The following ZNF354A variants were observed in gnomAD, a reference collection of about 807,000 sequenced individuals.
ZNF354A encodes the protein epididymis luminal protein 104.
A neutral mutation model predicts 53.3 loss-of-function variants in ZNF354A; 25 were observed. The ratio of observed to expected loss-of-function variants is 0.47; its 90% CI spans 0.34 to 0.66. The LOEUF (loss-of-function observed/expected upper bound fraction) is 0.66. Ranked by LOEUF, ZNF354A falls within the 30% of genes least tolerant of loss-of-function variation. The pLI, the probability that ZNF354A is intolerant of heterozygous loss-of-function variation, is 0.01. For synonymous variants in ZNF354A, 228 were observed against 249.0 expected (o/e 0.92, Z 0.79); for missense variants, 586 against 716.8 (o/e 0.82, Z 2.08).
At chr5:178,722,374 A>G (rs1765827457) in intron 4 of ZNF354A, among the ~76,000 whole-genome samples, 1 of 152,202 alleles carries the variant, frequency 6.6e-6, no homozygotes, top group South Asian at 2.1e-4. Flanking sequence ...AAAACAGCTC[A>G]ATTAATCTAA....
chr5:178,726,016 G>GT (rs1765898968), intron 3 of ZNF354A: 2 of 336,028 alleles, frequency 6.0e-6, no homozygotes, highest in Non-Finnish European at 1.2e-5. Flanking sequence ...CCTAAGTTTT[G>GT]TATTTTCAGT....
chr5:178,730,326 C>G (rs1259727462), intron 1 of ZNF354A, among the ~76,000 whole-genome samples: 1 of 152,014 alleles, frequency 6.6e-6, no homozygotes, highest in Admixed American at 6.5e-5. Flanking sequence ...AGGACGGGCC[C>G]GGGAGGAAAC....
Position 178,713,648 on chromosome 5 carries a change from G to A in ZNF354A, c.257-27C>T, listed in dbSNP as rs189156812. On this transcript the variant is annotated intron_variant, in intron 4 of 4. Transcript: ENST00000335815. ...TGGAGGGAAAAAAAAAATCAAAAAT[G>A]TTTCATGTGATATCATAGCATCTGA... The A allele has an allele frequency of 2.0e-5, 30 of 1,518,494 alleles. No individual in the cohort carries two copies. The East Asian group carries it at 6.6e-4, about 33-fold the overall frequency. 94.1% of individuals were successfully genotyped at this position (1,518,494 alleles called of 1,614,324 possible).
At position 178,713,169 on chromosome 5, in the gene ZNF354A, T is replaced by C. The variant is rs562816768; in HGVS notation, c.709A>G (p.Ser237Gly). The C allele has an allele frequency of 6.2e-7, 1 of 1,614,164 alleles. No individual in the cohort carries two copies. Among genetic ancestry groups the C allele is most frequent in the African/African-American group, 1.3e-5 (1 of 75,068 alleles). Residue 237 changes from serine to glycine, a missense_variant, in exon 5 of 5, where the codon AGT becomes GGT. This residue lies in a region of ZNF354A where 573 missense variants were observed against 680.1 expected (regional missense o/e 0.84). Coordinates refer to ENST00000335815, the MANE Select transcript of ZNF354A (RefSeq NM_005649.3). ...SSLRKHEKNH[S>G]GEKLFKCKEC... Reference sequence around the variant, plus strand: ...TTACACTTAAATAGTTTCTCTCCACTATGGTTTTTCTCATGTTTACGAAGG... The same window carrying C: ...TTACACTTAAATAGTTTCTCTCCACCATGGTTTTTCTCATGTTTACGAAGG...
chr5:178,720,828 A>G (rs937136666), intron 4 of ZNF354A, among the ~76,000 whole-genome samples: 2 of 150,954 alleles, frequency 1.3e-5, no homozygotes, highest in Non-Finnish European at 2.9e-5. Flanking sequence ...ATCAAAATTA[A>G]CACCACTGCT....
chr5:178,723,376 G>A (rs1461069518), intron 4 of ZNF354A, among the ~76,000 whole-genome samples: 2 of 152,186 alleles, frequency 1.3e-5, no homozygotes, highest in Admixed American at 1.3e-4. Context: ...GCCTGCCCTG[G>A]GCTACTTACG....
chr5:178,719,925 C>T (rs1055260046), intron 4 of ZNF354A, among the ~76,000 whole-genome samples: 3 of 145,124 alleles, frequency 2.1e-5, no homozygotes, highest in African/African-American at 5.0e-5. Context: ...CCAGCCTGGG[C>T]GACAGAGCGA....
chr5:178,725,063 C>A (rs2113882620), intron 4 of ZNF354A, among the ~76,000 whole-genome samples: 1 of 152,332 alleles, frequency 6.6e-6, no homozygotes, highest in East Asian at 1.9e-4. Context: ...TATTTCCTTC[C>A]TCACCTCCTC....
chr5:178,720,526 C>T (rs947029626), intron 4 of ZNF354A, among the ~76,000 whole-genome samples: 1 of 152,130 alleles, frequency 6.6e-6, no homozygotes, highest in African/African-American at 2.4e-5. Context: ...CAGCTGCAGG[C>T]CACGGAGATC....
intron 2 of ZNF354A, among the ~76,000 whole-genome samples, chr5:178,728,658 G>C (rs932034493): frequency 6.6e-6 from 1 of 151,448 alleles, no homozygotes; most frequent in Non-Finnish European, 1.5e-5. Context: ...TTAGCCGGGC[G>C]TGATGGCGGG....
chr5:178,717,373 C>T lies in ZNF354A; in HGVS notation c.257-3752G>A, dbSNP rs28386999. Among the ~76,000 whole-genome samples the T allele has an allele frequency of 2.0e-3, 310 of 151,906 alleles. 1 individual carries two copies. Among genetic ancestry groups the T allele is most frequent in the African/African-American group, 6.9e-3 (284 of 41,422 alleles). On this transcript the variant is annotated intron_variant, in intron 4 of 4. Transcript: ENST00000335815. ...GGCTGTACAGTGAAGGAAGAGCTAG[C>T]GGGACCAAGAATAACAAGACTCAGG...
At chr5:178,728,167 C>T (rs1331735180) in intron 2 of ZNF354A, among the ~76,000 whole-genome samples, 2 of 152,122 alleles carry the variant, frequency 1.3e-5, no homozygotes, top group East Asian at 3.9e-4. Context: ...TGTATCCTCT[C>T]TGTGACTTTG....
rs533518740 is a variant in ZNF354A, at chr5:178,711,776, C to T, written c.*284G>A. 9 of 283,522 alleles carry T rather than the reference C, an allele frequency of 3.2e-5. No individual in the cohort carries two copies. Among genetic ancestry groups the T allele is most frequent in the East Asian group, 1.4e-4 (2 of 14,606 alleles). The allele number at this position is 283,522 out of a possible 1,614,324, so 17.6% of individuals were successfully genotyped here. A position where few individuals can be genotyped will look rare whatever the true frequency, so the allele number is the denominator to read the frequency against. ...ATGATCACGTGACATCTAGCATATACGTCTGTAGGAAAAGGGAAAAAGCAA... is the reference window on the plus strand; with the variant it reads ...ATGATCACGTGACATCTAGCATATATGTCTGTAGGAAAAGGGAAAAAGCAA... On this transcript the variant is annotated 3_prime_UTR_variant, in exon 5 of 5. Coordinates refer to ENST00000335815, the MANE Select transcript of ZNF354A (RefSeq NM_005649.3).
Position 178,725,483 on chromosome 5 carries a change from C to T in ZNF354A, c.161-12G>A. 1 of 1,610,546 alleles carries T rather than the reference C, an allele frequency of 6.2e-7. No homozygotes were observed. Among genetic ancestry groups the T allele is most frequent in the Non-Finnish European group, 8.5e-7 (1 of 1,178,378 alleles). ...GGTAAATGGGAGCCCTGCACATAAA[C>T]AAAAAACCACAACCAAACAAATCAG... On this transcript the variant is annotated splice_polypyrimidine_tract_variant and intron_variant, in intron 3 of 4. Coordinates refer to ENST00000335815, the MANE Select transcript of ZNF354A (RefSeq NM_005649.3).
chr5:178,712,285 A>G lies in ZNF354A; in HGVS notation c.1593T>C (p.Phe531=). The G allele has an allele frequency of 1.2e-6, 2 of 1,614,130 alleles. No individual in the cohort carries two copies. Residue 531 remains phenylalanine, a synonymous_variant, in exon 5 of 5, where the codon TTT becomes TTC. Transcript: ENST00000335815. ...PYRCEECGIS[F]GQSSALIQHR... ...GCTGAATAAGAGCTGAACTTTGGCC[A>G]AAAGATATCCCACATTCCTCACATC...
intron 4 of ZNF354A, among the ~76,000 whole-genome samples, chr5:178,721,661 G>A (rs1439805909): frequency 2.6e-5 from 4 of 152,070 alleles, no homozygotes; most frequent in African/African-American, 9.7e-5. Flanking sequence ...TATCATCCTT[G>A]GAGTGCCTTA....
rs1426897335 is a variant in ZNF354A, at chr5:178,712,819, G to A, written c.1059C>T (p.Ser353=). The A allele has an allele frequency of 2.5e-6, 4 of 1,614,072 alleles. No individual in the cohort carries two copies. In the South Asian group the frequency reaches 4.4e-5, roughly 18 times the overall value. ...GCQRIHSRKK[S]YLCNECGNTF... ...TGTTGCCACATTCATTACATAAGTAGGACTTCTTTCTAGAATGAATTCTTT... is the reference window on the plus strand; with the variant it reads ...TGTTGCCACATTCATTACATAAGTAAGACTTCTTTCTAGAATGAATTCTTT... The change falls in exon 5 of 5, where the codon TCC becomes TCT. Residue 353 remains serine, a synonymous_variant. Transcript: ENST00000335815.
At chr5:178,729,205 C>G in intron 1 of ZNF354A, 132 bp from the exon 2 acceptor site, 1 of 565,512 alleles carries the variant, frequency 1.8e-6, no homozygotes, top group Non-Finnish European at 3.2e-6. Flanking sequence ...GCCAGGAGCC[C>G]GCGGACCAGA....
intron 4 of ZNF354A, among the ~76,000 whole-genome samples, chr5:178,719,482 CAT>C (rs1765769498): frequency 1.3e-5 from 2 of 152,158 alleles, no homozygotes; most frequent in South Asian, 4.1e-4. Context: ...TAAGAATTGA[CAT>C]ATAAGATAGG....
Sources: gnomAD v4.1 joint callset for allele counts (sites outside exome capture counted in the v4.1 genomes callset) on GRCh38, gnomAD v4.1.1 for gene constraint, gnomAD v4.1.1 regional missense constraint, MANE v1.5 for transcripts, NCBI Gene and HGNC (gene_info 2026-07-23, HGNC 2026-07-21) for gene names.